Variants in CTRL observed in about 807,000 individuals in gnomAD.
CTRL encodes chymotrypsin like, also known as chymotrypsin-like protease CTRL-1.
Under a neutral mutation model 35.5 loss-of-function variants are expected in CTRL, and 38 were observed. The ratio of observed to expected loss-of-function variants is 1.07; its 90% CI spans 0.83 to 1.40. The LOEUF is 1.40. Ranked by LOEUF, CTRL falls within the 40% of genes most tolerant of loss-of-function variation. CTRL has a pLI of 0.00. For synonymous variants in CTRL, 155 were observed against 141.1 expected (o/e 1.10, Z -0.70); for missense variants, 327 against 342.9 (o/e 0.95, Z 0.37).
Position 67,930,380 on chromosome 16 carries a change from C to G in CTRL, c.499+28G>C, listed in dbSNP as rs1166959089. On this transcript the variant is annotated intron_variant, in intron 5 of 6. Coordinates refer to ENST00000574481, the MANE Select transcript of CTRL (RefSeq NM_001907.3). This position sits in a 1 kb window ranked among gnomAD's most constrained non-coding sequence, Gnocchi z 4.3. ...ACACTGGTCCCCACCCCAGTCCTCC[C>G]ACCCTGAGCTTTGGCCTGAGTCCCT... 2 of 1,612,330 alleles carry G rather than the reference C, an allele frequency of 1.2e-6. No homozygotes were observed. Among genetic ancestry groups the G allele is most frequent in the Non-Finnish European group, 1.7e-6 (2 of 1,178,510 alleles).
chr16:67,929,801 C>G lies in CTRL; in HGVS notation c.*133G>C. 1.0e-6 allele frequency: 1 copy of G among 985,870 alleles called. No individual in the cohort carries two copies. The highest frequency in any genetic ancestry group is 1.5e-6 in the Non-Finnish European group (1 of 663,118). The allele number at this position is 985,870 out of a possible 1,614,324, so 61.1% of individuals were successfully genotyped here. A position where few individuals can be genotyped will look rare whatever the true frequency, so the allele number is the denominator to read the frequency against. Reference sequence around the variant, plus strand: ...AAGGAGTCACTCAGCCCCTTCTGTGCCAGAAGTCCAAGTAGGGAGTCGGAC... The same window carrying G: ...AAGGAGTCACTCAGCCCCTTCTGTGGCAGAAGTCCAAGTAGGGAGTCGGAC... On this transcript the variant is annotated 3_prime_UTR_variant, in exon 7 of 7. Coordinates refer to ENST00000574481, the MANE Select transcript of CTRL (RefSeq NM_001907.3).
Position 67,930,176 on chromosome 16 carries a change from G to A in CTRL, c.633+9C>T. ...AGGACAGCGCAGAGGAGCGGGTGCT[G>A]GGGCTTACCTGGCACGAGGAGGCAC... On this transcript the variant is annotated intron_variant, in intron 6 of 6. Transcript: ENST00000574481. The surrounding 1 kb of genome is among the most constrained non-coding windows in gnomAD (Gnocchi z 4.3). 6.2e-7 allele frequency: 1 copy of A among 1,613,902 alleles called. No homozygotes were observed. The highest frequency in any genetic ancestry group is 8.5e-7 in the Non-Finnish European group (1 of 1,179,894).
At position 67,931,131 on chromosome 16, in the gene CTRL, C is replaced by T; in HGVS notation, c.123G>A (p.Val41=). Residue 41 remains valine, a synonymous_variant, in exon 2 of 7, where the codon GTG becomes GTA. Transcript: ENST00000574481. The part of the protein sequence containing the change: ...SQRIVNGENA[V]LGSWPWQVSL... ...ACACCTGCCAGGGCCAGGAGCCCAA[C>T]ACTGCATTCTCCCCGTTGACAATCC... is the stretch of plus-strand genomic sequence containing the variant. 6.2e-7 allele frequency: 1 copy of T among 1,614,140 alleles called. No homozygotes were observed. Among genetic ancestry groups the T allele is most frequent in the Non-Finnish European group, 8.5e-7 (1 of 1,180,026 alleles).
chr16:67,931,145 C>A lies in CTRL; in HGVS notation c.109G>T (p.Gly37Trp). 9 of 1,614,122 alleles carry A rather than the reference C, an allele frequency of 5.6e-6. No homozygotes were observed. Among genetic ancestry groups the A allele is most frequent in the Non-Finnish European group, 7.6e-6 (9 of 1,180,016 alleles). ...ALSFSQRIVN[G>W]ENAVLGSWPW... ...CAGGAGCCCAACACTGCATTCTCCC[C>A]GTTGACAATCCTCTGGCTGAAGCTC... Residue 37 changes from glycine (G) to tryptophan (W), a missense_variant, in exon 2 of 7, where the codon GGG becomes TGG. Coordinates refer to ENST00000574481, the MANE Select transcript of CTRL (RefSeq NM_001907.3).
At position 67,930,157 on chromosome 16, in the gene CTRL, G is replaced by A. The variant is rs2058234001; in HGVS notation, c.633+28C>T. The A allele has an allele frequency of 6.2e-7, 1 of 1,613,746 alleles. No individual in the cohort carries two copies. Among genetic ancestry groups the A allele is most frequent in the African/African-American group, 1.3e-5 (1 of 74,936 alleles). On this transcript the variant is annotated intron_variant, in intron 6 of 6. Transcript: ENST00000574481. The surrounding 1 kb of genome is among the most constrained non-coding windows in gnomAD (Gnocchi z 4.3). ...GGTTGGGGAGGTATACCACAGGACA[G>A]CGCAGAGGAGCGGGTGCTGGGGCTT...
At position 67,931,180 on chromosome 16, in the gene CTRL, T is replaced by G; in HGVS notation, c.74A>C (p.Lys25Thr). The G allele has an allele frequency of 6.2e-7, 1 of 1,614,080 alleles. No individual in the cohort carries two copies. Among genetic ancestry groups the G allele is most frequent in the East Asian group, 2.2e-5 (1 of 44,880 alleles). Residue 25 changes from lysine (K) to threonine (T), a missense_variant, in exon 2 of 7, where the codon AAA becomes ACA. By Grantham distance (78) the Lys-to-Thr change is moderately conservative (BLOSUM62 -1). Transcript: ENST00000574481. ...SSWGCGIPAIKPALSFSQRIV... is the reference protein window; with the variant it reads ...SSWGCGIPAITPALSFSQRIV... ...CCTCTGGCTGAAGCTCAGTGCCGGT[T>G]TGATGGCAGGAATGCCGCAGCCTGG... is the stretch of plus-strand genomic sequence containing the variant.
chr16:67,930,663 T>C lies in CTRL; in HGVS notation c.318+63A>G. The C allele has an allele frequency of 6.2e-7, 1 of 1,607,392 alleles. No homozygotes were observed. The highest frequency in any genetic ancestry group is 8.5e-7 in the Non-Finnish European group (1 of 1,174,336). Reference sequence around the variant, plus strand: ...GCCAGGGCATGTCCTGAATTCCTCGTTCCCAGCACCCACCCACCTGCACTG... The same window carrying C: ...GCCAGGGCATGTCCTGAATTCCTCGCTCCCAGCACCCACCCACCTGCACTG... On this transcript the variant is annotated intron_variant, in intron 4 of 6. Transcript: ENST00000574481. The surrounding 1 kb of genome is among the most constrained non-coding windows in gnomAD (Gnocchi z 4.3).
rs576130313 is a variant in CTRL, at chr16:67,931,061, C to T, written c.156+37G>A. On this transcript the variant is annotated intron_variant, in intron 2 of 6. Coordinates refer to ENST00000574481, the MANE Select transcript of CTRL (RefSeq NM_001907.3). ...CTGCTGAGGCTGCCCCTAGGCATGACGTACCCAGGACCCTGCCCACCCCTC... is the reference window on the plus strand; with the variant it reads ...CTGCTGAGGCTGCCCCTAGGCATGATGTACCCAGGACCCTGCCCACCCCTC... The T allele has an allele frequency of 1.1e-4, 175 of 1,613,496 alleles. 1 individual carries two copies. In the South Asian group the frequency reaches 1.7e-3, roughly 15 times the overall value.
rs754552689 is a variant in CTRL at position 67,930,782 on chromosome 16, C to A, written c.262G>T (p.Gly88Cys). Reference protein sequence around the residue: ...VSPGRHFVVLGEYDRSSNAEP... With the variant: ...VSPGRHFVVLCEYDRSSNAEP... ...GCGTTTGATGATCGGTCATACTCGC[C>A]CAGGACAACAAAATGGCGGCCAGGG... Residue 88 changes from glycine (G) to cysteine (C), a missense_variant, in exon 4 of 7, where the codon GGC becomes TGC. Physicochemically the swap from Gly to Cys is radical, Grantham distance 159. Coordinates refer to ENST00000574481, the MANE Select transcript of CTRL (RefSeq NM_001907.3). The surrounding 1 kb of genome is among the most constrained non-coding windows in gnomAD (Gnocchi z 4.3). 1 of 1,614,070 alleles carries A rather than the reference C, an allele frequency of 6.2e-7. No individual in the cohort carries two copies. Among genetic ancestry groups the A allele is most frequent in the South Asian group, 1.1e-5 (1 of 91,074 alleles).
Position 67,929,757 on chromosome 16 carries a change from G to T in CTRL, c.*177C>A. Reference sequence around the variant, plus strand: ...CCCCGGCCTCGGCATGGCTACTCTAGGAAGAGCCACTGCTACTCAAGGAGT... The same window carrying T: ...CCCCGGCCTCGGCATGGCTACTCTATGAAGAGCCACTGCTACTCAAGGAGT... On this transcript the variant is annotated 3_prime_UTR_variant, in exon 7 of 7. Transcript: ENST00000574481. The T allele has an allele frequency of 1.4e-6, 1 of 716,624 alleles. No individual in the cohort carries two copies. Among genetic ancestry groups the T allele is most frequent in the East Asian group, 2.7e-5 (1 of 37,454 alleles). The allele number at this position is 716,624 out of a possible 1,614,324, so 44.4% of individuals were successfully genotyped here. A position where few individuals can be genotyped will look rare whatever the true frequency, so the allele number is the denominator to read the frequency against.
At position 67,930,036 on chromosome 16, in the gene CTRL, A is replaced by G. The variant is rs763426811; in HGVS notation, c.693T>C (p.Ile231=). 2.3e-5 allele frequency: 37 copies of G among 1,614,034 alleles called. No individual in the cohort carries two copies. The highest frequency in any genetic ancestry group is 1.6e-4 in the Middle Eastern group (1 of 6,084). The stretch of plus-strand genomic sequence containing the variant: ...TGCAGTTTTTGGTGCCCCAGGAGAC[A>G]ATACCAATAAGCACCCATGTGTTTC... The part of the protein sequence containing the change: ...QKGNTWVLIG[I]VSWGTKNCNV... The change falls in exon 7 of 7, where the codon ATT becomes ATC. Residue 231 remains isoleucine (I), a synonymous_variant. Transcript: ENST00000574481. The surrounding 1 kb of genome is among the most constrained non-coding windows in gnomAD (Gnocchi z 4.3).
In CTRL at chr16:67,930,211, C is replaced by G. The variant is rs201911333; in HGVS notation, c.607G>C (p.Gly203Arg). The G allele has an allele frequency of 1.9e-6, 3 of 1,614,076 alleles. No individual in the cohort carries two copies. Among genetic ancestry groups the G allele is most frequent in the Non-Finnish European group, 2.5e-6 (3 of 1,180,020 alleles). The change falls in exon 6 of 7, where the codon GGT becomes CGT. Residue 203 changes from glycine (G) to arginine (R), a missense_variant. By Grantham distance (125) the Gly-to-Arg change is moderately radical. Transcript: ENST00000574481. This position sits in a 1 kb window ranked among gnomAD's most constrained non-coding sequence, Gnocchi z 4.3. ...TGGCACGAGGAGGCACCTGCGCCAC[C>G]TGCACAGATCATGGAGTCAGTGATA... The part of the protein sequence containing the change: ...SSITDSMICA[G>R]GAGASSCQGD...
rs1162572332 is a variant in CTRL at position 67,930,737 on chromosome 16, A to G, written c.307T>C (p.Ser103Pro). 1.2e-6 allele frequency: 2 copies of G among 1,613,950 alleles called. No homozygotes were observed. The highest frequency in any genetic ancestry group is 1.7e-5 in the Admixed American group (1 of 60,008). Residue 103 changes from serine (S) to proline (P), a missense_variant, in exon 4 of 7, where the codon TCC (serine) becomes CCC (proline). Ser to Pro is a moderately conservative substitution (Grantham distance 74, BLOSUM62 -1). Transcript: ENST00000574481. The surrounding 1 kb of genome is among the most constrained non-coding windows in gnomAD (Gnocchi z 4.3). ...GCCCAGGCACTCACCCGAGAGACGG[A>G]CAGAACCTGCAAGGGCTCTGCGTTT... ...SSNAEPLQVLSVSRAITHPSW... is the reference protein window; with the variant it reads ...SSNAEPLQVLPVSRAITHPSW...
intron 1 of CTRL, 53 bp downstream of exon 1, chr16:67,931,748 T>C: frequency 1.3e-6 from 2 of 1,547,166 alleles, no homozygotes; most frequent in Non-Finnish European, 1.8e-6. Flanking sequence ...GGGCTGTTGC[T>C]GGGAGCTGAG....
At chr16:67,931,572 G>A (rs2058241810) in intron 1 of CTRL, 4 of 601,604 alleles carry the variant, frequency 6.6e-6, no homozygotes, top group African/African-American at 3.7e-5. Flanking sequence ...ACCCTCCCGG[G>A]CTCCAGGGCC....
chr16:67,930,505 T>C lies in CTRL; in HGVS notation c.402A>G (p.Thr134=). 1 of 1,614,124 alleles carries C rather than the reference T, an allele frequency of 6.2e-7. No individual in the cohort carries two copies. The highest frequency in any genetic ancestry group is 8.5e-7 in the Non-Finnish European group (1 of 1,180,036). Residue 134 remains threonine (T), a synonymous_variant, in exon 5 of 7, where the codon ACA becomes ACG. Transcript: ENST00000574481. This position sits in a 1 kb window ranked among gnomAD's most constrained non-coding sequence, Gnocchi z 4.3. The part of the protein sequence containing the change: ...LLKLASPAQY[T]TRISPVCLAS... Reference sequence around the variant, plus strand: ...CCAGGCAAACTGGCGAGATGCGTGTTGTGTACTGGGCTGGCGAGGCGAGCT... The same window carrying C: ...CCAGGCAAACTGGCGAGATGCGTGTCGTGTACTGGGCTGGCGAGGCGAGCT...
chr16:67,931,649 T>C (rs2058242116), intron 1 of CTRL, 152 bp downstream of exon 1: 1 of 888,930 alleles, frequency 1.1e-6, no homozygotes, highest in Non-Finnish European at 1.7e-6. Flanking sequence ...CCTGCAGGCC[T>C]GTTCCCTGCT....
In CTRL at chr16:67,930,521, G is replaced by C. The variant is rs982378123; in HGVS notation, c.386C>G (p.Ser129Trp). The change falls in exon 5 of 7, where the codon TCG (serine) becomes TGG (tryptophan). Residue 129 changes from serine to tryptophan, a missense_variant. By Grantham distance (177) the Ser-to-Trp change is radical. Coordinates refer to ENST00000574481, the MANE Select transcript of CTRL (RefSeq NM_001907.3). This position sits in a 1 kb window ranked among gnomAD's most constrained non-coding sequence, Gnocchi z 4.3. ...GATGCGTGTTGTGTACTGGGCTGGC[G>C]AGGCGAGCTTCAGCAGCGTCACGTC... ...NNDVTLLKLA[S>W]PAQYTTRISP... The C allele has an allele frequency of 5.0e-6, 8 of 1,614,060 alleles. No individual in the cohort carries two copies. The African/African-American group carries it at 9.3e-5, about 19-fold the overall frequency.
chr16:67,929,628 T>C lies in CTRL; in HGVS notation c.*306A>G. The stretch of plus-strand genomic sequence containing the variant: ...ATTCAGTTTGTAAACGTATCCTCTG[T>C]ATTCAGTAAACAGGCTGCCTCTCCA... On this transcript the variant is annotated 3_prime_UTR_variant, in exon 7 of 7. Coordinates refer to ENST00000574481, the MANE Select transcript of CTRL (RefSeq NM_001907.3). The C allele has an allele frequency of 2.4e-6, 1 of 425,304 alleles. No individual in the cohort carries two copies. Among genetic ancestry groups the C allele is most frequent in the Non-Finnish European group, 4.3e-6 (1 of 231,010 alleles). 26.3% of individuals were successfully genotyped at this position (425,304 alleles called of 1,614,324 possible).
Sources: gnomAD v4.1 joint callset for allele counts on GRCh38, gnomAD v4.1.1 for gene constraint, Gnocchi (gnomAD v3.1) non-coding constraint, MANE v1.5 for transcripts, NCBI Gene and HGNC (gene_info 2026-07-23, HGNC 2026-07-21) for gene names.